Variants in CSNK1G3 observed in about 807,000 individuals in gnomAD.
CSNK1G3 encodes the protein casein kinase 1 gamma 3, also known as casein kinase I isoform gamma-3.
In CSNK1G3, 23 loss-of-function variants were observed where a neutral mutation model predicts 64.3. The observed-to-expected ratio is 0.36, with a 90% CI of 0.26 to 0.51. The LOEUF (loss-of-function observed/expected upper bound fraction) is 0.51. Ranked by LOEUF, CSNK1G3 falls within the 20% of genes least tolerant of loss-of-function variation. CSNK1G3 has a pLI of 0.96. For missense variants in CSNK1G3, 357 were observed against 510.5 expected (o/e 0.70, Z 2.90); for synonymous variants, 158 against 162.2 (o/e 0.97, Z 0.20).
intron 1 of CSNK1G3, among the ~76,000 whole-genome samples, chr5:123,537,551 T>C (rs1340700862): frequency 6.6e-6 from 1 of 152,138 alleles, no homozygotes; most frequent in Non-Finnish European, 1.5e-5. Flanking sequence ...CAAAATTGTA[T>C]ATGTACCCCA....
chr5:123,560,741 C>T (rs1218646544), intron 4 of CSNK1G3, among the ~76,000 whole-genome samples: 1 of 152,060 alleles, frequency 6.6e-6, no homozygotes, highest in Non-Finnish European at 1.5e-5. Flanking sequence ...ATAAATTTCA[C>T]TTAACATGAG....
chr5:123,611,294 T>C (rs1796290162), intron 12 of CSNK1G3, among the ~76,000 whole-genome samples: 1 of 152,252 alleles, frequency 6.6e-6, no homozygotes, highest in African/African-American at 2.4e-5. Flanking sequence ...GGCAATGCTG[T>C]CCTCTGGTGG....
intron 4 of CSNK1G3, among the ~76,000 whole-genome samples, chr5:123,560,004 A>G (rs1256794263): frequency 6.6e-6 from 1 of 152,156 alleles, no homozygotes; most frequent in African/African-American, 2.4e-5. Flanking sequence ...TCCAGCATAT[A>G]TAAAGAACTT....
At chr5:123,518,638 G>A (rs1168340059) in intron 1 of CSNK1G3, among the ~76,000 whole-genome samples, 1 of 152,128 alleles carries the variant, frequency 6.6e-6, no homozygotes, top group African/African-American at 2.4e-5. Context: ...ACCAGAATTA[G>A]GTCACATGAA....
At chr5:123,548,978 G>T (rs1783124808) in intron 2 of CSNK1G3, among the ~76,000 whole-genome samples, 1 of 152,218 alleles carries the variant, frequency 6.6e-6, no homozygotes, top group African/African-American at 2.4e-5. Flanking sequence ...GAGAGCGGCA[G>T]CTCACTGCAC....
chr5:123,571,228 T>C lies in CSNK1G3; in HGVS notation c.290-2165T>C, dbSNP rs140438725. 1.5e-3 allele frequency among the ~76,000 whole-genome samples: 232 copies of C among 152,298 alleles called. 1 individual carries two copies. The highest frequency in any genetic ancestry group is 5.2e-3 in the African/African-American group (215 of 41,568). ...TGGGGAGGGCACCATGTATGCAGTT[T>C]GAATTTGTATCCATTCCTGCTATGA... On this transcript the variant is annotated intron_variant, in intron 4 of 12. Transcript: ENST00000345990.
At chr5:123,521,326 C>G (rs1285313230) in intron 1 of CSNK1G3, among the ~76,000 whole-genome samples, 2 of 151,966 alleles carry the variant, frequency 1.3e-5, no homozygotes, top group Non-Finnish European at 2.9e-5. Flanking sequence ...TTACTGAGTA[C>G]TTTTTCTGTC....
intron 10 of CSNK1G3, among the ~76,000 whole-genome samples, chr5:123,601,864 T>C (rs563358550): frequency 1.3e-5 from 2 of 152,230 alleles, no homozygotes; most frequent in East Asian, 3.9e-4. Flanking sequence ...GTGAACTGTT[T>C]GATTATGTAC....
chr5:123,526,195 G>A (rs1779036036), intron 1 of CSNK1G3, among the ~76,000 whole-genome samples: 1 of 151,606 alleles, frequency 6.6e-6, no homozygotes, highest in Admixed American at 6.6e-5. Context: ...ATGCCACCAT[G>A]CCTGACTAAT....
intron 1 of CSNK1G3, among the ~76,000 whole-genome samples, chr5:123,536,439 T>A (rs200741311): frequency 2.2e-4 from 33 of 149,390 alleles, no homozygotes; most frequent in Middle Eastern, 3.4e-3. Context: ...TTTTTTTTTT[T>A]TAAAAAAAAA....
At chr5:123,547,320 G>A (rs1372605083) in intron 2 of CSNK1G3, among the ~76,000 whole-genome samples, 1 of 151,890 alleles carries the variant, frequency 6.6e-6, no homozygotes, top group Non-Finnish European at 1.5e-5. Context: ...ATATACTTTG[G>A]CCATTTTTAT....
intron 3 of CSNK1G3, among the ~76,000 whole-genome samples, chr5:123,553,880 A>T (rs888262307): frequency 2.0e-5 from 3 of 152,312 alleles, no homozygotes; most frequent in Admixed American, 1.3e-4. Flanking sequence ...GAACTTTTTC[A>T]TACCATTGAT....
chr5:123,521,245 A>G (rs1043919202), intron 1 of CSNK1G3, among the ~76,000 whole-genome samples: 1 of 152,154 alleles, frequency 6.6e-6, no homozygotes, highest in Non-Finnish European at 1.5e-5. Flanking sequence ...CCCTACTCCA[A>G]AAATGTAAAT....
At chr5:123,600,205 A>G (rs1250053969) in intron 10 of CSNK1G3, among the ~76,000 whole-genome samples, 1 of 152,222 alleles carries the variant, frequency 6.6e-6, no homozygotes, top group Non-Finnish European at 1.5e-5. Flanking sequence ...CATAAATAAA[A>G]TATATAATGT....
At chr5:123,588,906 C>T (rs1384044923) in intron 8 of CSNK1G3, among the ~76,000 whole-genome samples, 1 of 150,728 alleles carries the variant, frequency 6.6e-6, no homozygotes, top group African/African-American at 2.5e-5. Flanking sequence ...TCAAATTAAA[C>T]TTAAATTAAG....
At chr5:123,611,815 T>G (rs1796383051) in intron 12 of CSNK1G3, among the ~76,000 whole-genome samples, 1 of 152,228 alleles carries the variant, frequency 6.6e-6, no homozygotes, top group African/African-American at 2.4e-5. Flanking sequence ...ATATTCTAAG[T>G]ATTTGGTCTG....
At chr5:123,553,642 G>A (rs528203959) in intron 3 of CSNK1G3, among the ~76,000 whole-genome samples, 1 of 152,322 alleles carries the variant, frequency 6.6e-6, no homozygotes, top group African/African-American at 2.4e-5. Flanking sequence ...GATGTGGTAG[G>A]TGATAGATAA....
At chr5:123,513,269 C>T (rs1776576516) in intron 1 of CSNK1G3, among the ~76,000 whole-genome samples, 1 of 152,098 alleles carries the variant, frequency 6.6e-6, no homozygotes, top group Non-Finnish European at 1.5e-5. Flanking sequence ...AGCATCGGGT[C>T]TCTTGGTCCA....
intron 6 of CSNK1G3, among the ~76,000 whole-genome samples, chr5:123,580,446 C>G (rs1461910246): frequency 1.3e-5 from 2 of 151,906 alleles, no homozygotes; most frequent in Non-Finnish European, 2.9e-5. Context: ...ATCTGTTGAT[C>G]TTAACTAGGT....
Sources: gnomAD v4.1 joint callset for allele counts (sites outside exome capture counted in the v4.1 genomes callset) on GRCh38, gnomAD v4.1.1 for gene constraint, MANE v1.5 for transcripts, NCBI Gene and HGNC (gene_info 2026-07-23, HGNC 2026-07-21) for gene names.